Variants in RSF1 observed in about 807,000 individuals in gnomAD.
RSF1 encodes HBV pX-associated protein 8.
Under a neutral mutation model 145.2 loss-of-function variants are expected in RSF1, and 13 were observed. That is an observed-to-expected ratio of 0.09 (90% confidence interval 0.06 to 0.14). The LOEUF is 0.14. Ranked by LOEUF, RSF1 falls within the 10% of genes least tolerant of loss-of-function variation. The pLI is 1.00. For synonymous variants in RSF1, 577 were observed against 592.6 expected (o/e 0.97, Z 0.38); for missense variants, 1,517 against 1,718.2 (o/e 0.88, Z 2.07).
At chr11:77,840,990 T>A in the RSF1 span, 1 of 513,196 alleles carries the variant, frequency 1.9e-6, no homozygotes, top group Non-Finnish European at 3.5e-6. Flanking sequence ...ATTTAAAATT[T>A]ATAATGAAAA....
chr11:77,862,452 T>A, the RSF1 span, among the ~76,000 whole-genome samples: 8 of 152,206 alleles, frequency 5.3e-5, no homozygotes, highest in African/African-American at 1.9e-4. Context: ...GAGAAAAAGG[T>A]ACGTGTACTC....
At chr11:77,760,432 A>G (rs1044304323) in intron 2 of RSF1, among the ~76,000 whole-genome samples, 1 of 152,244 alleles carries the variant, frequency 6.6e-6, no homozygotes, top group Non-Finnish European at 1.5e-5. Flanking sequence ...ATACTGATTG[A>G]TAACAGATAC....
At chr11:77,729,895 C>CAAAAAAAAAAA (rs398045289) in intron 4 of RSF1, among the ~76,000 whole-genome samples, 1,856 of 48,840 alleles carry the variant, frequency 0.038, 296 homozygotes, top group Middle Eastern at 0.077. Flanking sequence ...ATTCAGTAGG[C>CAAAAAAAAAAA]AAAAAAAAAA....
intron 1 of RSF1, among the ~76,000 whole-genome samples, chr11:77,798,558 A>G (rs1590893542): frequency 8.2e-6 from 1 of 122,290 alleles, no homozygotes; most frequent in African/African-American, 3.0e-5. Context: ...TCTAGTCTGC[A>G]TGACAGGAAC....
intron 1 of RSF1, among the ~76,000 whole-genome samples, chr11:77,810,854 G>A (rs1476872144): frequency 6.6e-6 from 1 of 152,156 alleles, no homozygotes; most frequent in Non-Finnish European, 1.5e-5. Flanking sequence ...TTCATACACT[G>A]GAATAAAGAT....
intron 1 of RSF1, among the ~76,000 whole-genome samples, chr11:77,784,825 T>C (rs758289345): frequency 5.9e-5 from 9 of 152,210 alleles, no homozygotes; most frequent in African/African-American, 9.6e-5. Flanking sequence ...TAGGAAATGT[T>C]TGGCTAGTAA....
In RSF1 at chr11:77,683,720, T is replaced by C; in HGVS notation, c.3055A>G (p.Ile1019Val). The C allele has an allele frequency of 6.2e-7, 1 of 1,609,834 alleles. No homozygotes were observed. The highest frequency in any genetic ancestry group is 8.5e-7 in the Non-Finnish European group (1 of 1,176,748). Residue 1019 changes from isoleucine to valine, a missense_variant, in exon 11 of 16, where the codon ATA becomes GTA. Transcript: ENST00000308488. ...CCATACACTTCATACCTGTAGCTTA[T>C]ACATTTCCTTGTTCTTGTTGACCTC... ...ERRSTRTRKC[I>V]SYRFDEFDEA...
chr11:77,728,047 T>G (rs1590853392), intron 4 of RSF1, among the ~76,000 whole-genome samples: 1 of 152,328 alleles, frequency 6.6e-6, no homozygotes, highest in East Asian at 1.9e-4. Context: ...TATTTTAGAC[T>G]ATGGACCCTA....
chr11:77,698,262 T>C (rs1271763848), intron 7 of RSF1, among the ~76,000 whole-genome samples: 2 of 152,214 alleles, frequency 1.3e-5, no homozygotes, highest in South Asian at 2.1e-4. Flanking sequence ...TATTATTATG[T>C]AGAGGAAATA....
chr11:77,816,261 C>T (rs1948780836), intron 1 of RSF1, among the ~76,000 whole-genome samples: 1 of 152,146 alleles, frequency 6.6e-6, no homozygotes, highest in African/African-American at 2.4e-5. Context: ...AGTACATGCA[C>T]CTGGTAAAAT....
In RSF1 at chr11:77,667,086, T is replaced by C. The variant is rs1297362658; in HGVS notation, c.4157A>G (p.Lys1386Arg). 1 of 1,614,220 alleles carries C rather than the reference T, an allele frequency of 6.2e-7. No individual in the cohort carries two copies. The highest frequency in any genetic ancestry group is 8.5e-7 in the Non-Finnish European group (1 of 1,180,040). Residue 1386 changes from lysine to arginine, a missense_variant, in exon 16 of 16, where the codon AAG becomes AGG. By Grantham distance (26) the Lys-to-Arg change is conservative. Transcript: ENST00000308488. ...PGKAIENLIG[K>R]PTEKSQTPKD... ...GGGGGTCTGAGACTTCTCAGTAGGC[T>C]TGCCAATCAAGTTCTCAATGGCTTT...
At chr11:77,708,038 C>T (rs189864908) in intron 5 of RSF1, among the ~76,000 whole-genome samples, 356 of 152,236 alleles carry the variant, frequency 2.3e-3, no homozygotes, top group African/African-American at 7.9e-3. Flanking sequence ...CTATAGTGAA[C>T]ATGTAATATC....
In RSF1 at chr11:77,764,592, A is replaced by T; in HGVS notation, c.279+6T>A. 6.7e-7 allele frequency: 1 copy of T among 1,501,466 alleles called. No homozygotes were observed. The highest frequency in any genetic ancestry group is 1.1e-5 in the South Asian group (1 of 87,428). 93.0% of individuals were successfully genotyped at this position (1,501,466 alleles called of 1,614,324 possible). ...ATAGAGCAGGAAATTTACAAATACT[A>T]GTTACCTTGATCAAATATTTTTCCC... On this transcript the variant is annotated splice_donor_region_variant and intron_variant, in intron 2 of 15. Coordinates refer to ENST00000308488, the MANE Select transcript of RSF1 (RefSeq NM_016578.4).
chr11:77,820,191 G>A (rs1948843781), intron 1 of RSF1, among the ~76,000 whole-genome samples: 1 of 152,180 alleles, frequency 6.6e-6, no homozygotes. Flanking sequence ...CCAAGGGGGA[G>A]ACGGGGTGGG....
At chr11:77,743,257 T>C (rs1284593340) in intron 3 of RSF1, among the ~76,000 whole-genome samples, 1 of 152,174 alleles carries the variant, frequency 6.6e-6, no homozygotes, top group Non-Finnish European at 1.5e-5. Context: ...AGGGTTGTGT[T>C]TTATTTCTGT....
At chr11:77,736,244 T>G (rs939284823) in intron 4 of RSF1, among the ~76,000 whole-genome samples, 1 of 152,254 alleles carries the variant, frequency 6.6e-6, no homozygotes, top group African/African-American at 2.4e-5. Context: ...TTGAATCCAG[T>G]GATCCTGGCT....
At chr11:77,739,399 T>C (rs1463521161) in intron 4 of RSF1, 1 of 145,386 alleles carries the variant, frequency 6.9e-6, no homozygotes, top group Non-Finnish European at 1.5e-5. Flanking sequence ...GAATAGATCA[T>C]ATTTGTCTTT....
intron 3 of RSF1, among the ~76,000 whole-genome samples, chr11:77,745,195 G>C (rs1211818264): frequency 2.0e-5 from 3 of 151,882 alleles, no homozygotes; most frequent in Admixed American, 2.0e-4. Context: ...AAGGTTGTCA[G>C]TTTTGTTTAT....
At chr11:77,793,703 TG>T (rs1164654913) in intron 1 of RSF1, among the ~76,000 whole-genome samples, 1 of 152,180 alleles carries the variant, frequency 6.6e-6, no homozygotes, top group Non-Finnish European at 1.5e-5. Context: ...TTGATTCAGT[TG>T]ATCTGGCTGG....
Sources: gnomAD v4.1 joint callset for allele counts (sites outside exome capture counted in the v4.1 genomes callset) on GRCh38, gnomAD v4.1.1 for gene constraint, MANE v1.5 for transcripts, NCBI Gene and HGNC (gene_info 2026-07-23, HGNC 2026-07-21) for gene names.